PVT1: variants seen among roughly 807,000 people sequenced by gnomAD.
The protein encoded by PVT1 is Pvt1 oncogene.
intron 5 of PVT1, among the ~76,000 whole-genome samples, chr8:128,079,009 T>C (rs1429757379): frequency 2.0e-4 from 30 of 151,344 alleles, no homozygotes; most frequent in South Asian, 1.5e-3. Flanking sequence ...CTTTTCTTTT[T>C]TTTTTTTTTT....
At position 127,843,468 on chromosome 8, in the gene PVT1, A is replaced by G. The variant is rs369993796; in HGVS notation, n.373-47121A>G. On this transcript the variant is annotated intron_variant and non_coding_transcript_variant, in intron 2 of 10. Coordinates refer to ENST00000651587, the Ensembl canonical transcript of PVT1. ...GCTGTTTTTATTTTTTTAGAGATGG[A>G]GTCTTGCTCAGTTGCCCAGGCTGGA... 1.7e-3 allele frequency among the ~76,000 whole-genome samples: 255 copies of G among 151,752 alleles called. 8 individuals carry two copies. The South Asian group carries it at 0.052, about 31-fold the overall frequency.
At chr8:127,820,924 G>T (rs1211119830) in intron 2 of PVT1, among the ~76,000 whole-genome samples, 1 of 152,088 alleles carries the variant, frequency 6.6e-6, no homozygotes, top group African/African-American at 2.4e-5. Flanking sequence ...GGCCAGGCTG[G>T]TCTTAAAGTC....
chr8:127,968,375 G>A (rs1816725695), intron 3 of PVT1, among the ~76,000 whole-genome samples: 1 of 151,642 alleles, frequency 6.6e-6, no homozygotes, highest in Non-Finnish European at 1.5e-5. Flanking sequence ...CAGCTGTAGG[G>A]TGGGGTGGGA....
chr8:128,094,112 G>T (rs560032593), intron 5 of PVT1, among the ~76,000 whole-genome samples: 17 of 152,304 alleles, frequency 1.1e-4, no homozygotes, highest in African/African-American at 3.8e-4. Context: ...GCATCAGGTT[G>T]CCAGGTCACC....
chr8:128,044,390 T>C (rs35539865), intron 4 of PVT1, among the ~76,000 whole-genome samples: 10,771 of 152,138 alleles, frequency 0.071, 494 homozygotes, highest in Non-Finnish European at 0.099. Context: ...CCCTGGAAAA[T>C]GGTAAGTGCC....
intron 2 of PVT1, among the ~76,000 whole-genome samples, chr8:127,872,107 A>G (rs964287451): frequency 6.7e-6 from 1 of 149,994 alleles, no homozygotes. Flanking sequence ...AAACAAAAAC[A>G]AAAGAACCCT....
Position 127,841,976 on chromosome 8 carries a change from G to A in PVT1, n.372+45905G>A, listed in dbSNP as rs184524355. Among the ~76,000 whole-genome samples the A allele has an allele frequency of 8.1e-5, 11 of 135,246 alleles. No individual in the cohort carries two copies. In the East Asian group the frequency reaches 1.9e-3, roughly 23 times the overall value. 88.7% of individuals were successfully genotyped at this position (135,246 alleles called of 152,430 possible). Reference sequence around the variant, plus strand: ...CCTGACCTTGTGATCCACCCTCCTCGGCCTCCCAAAGTGCTTGGATTACAG... The same window carrying A: ...CCTGACCTTGTGATCCACCCTCCTCAGCCTCCCAAAGTGCTTGGATTACAG... On this transcript the variant is annotated intron_variant and non_coding_transcript_variant, in intron 2 of 10. Coordinates refer to ENST00000651587, the Ensembl canonical transcript of PVT1.
rs144789512 is a variant in PVT1, at chr8:128,016,873, A to G, written n.912+27582A>G. On this transcript the variant is annotated intron_variant and non_coding_transcript_variant, in intron 4 of 10. Transcript: ENST00000651587. The stretch of plus-strand genomic sequence containing the variant: ...TCTGGATGAGGATGAGTTCCCTGCC[A>G]TTCCTGGGTTAGCAGCTCCCATCCT... Among the ~76,000 whole-genome samples the G allele has an allele frequency of 3.7e-4, 57 of 152,328 alleles. No individual in the cohort carries two copies. The East Asian group carries it at 9.4e-3, about 25-fold the overall frequency.
intron 3 of PVT1, among the ~76,000 whole-genome samples, chr8:127,915,069 C>G (rs1181356068): frequency 6.6e-6 from 1 of 151,966 alleles, no homozygotes; most frequent in Non-Finnish European, 1.5e-5. Context: ...AGGTGATCCA[C>G]CCACCTCGGC....
intron 2 of PVT1, among the ~76,000 whole-genome samples, chr8:127,801,189 A>G (rs959338975): frequency 3.3e-5 from 5 of 152,186 alleles, no homozygotes; most frequent in Admixed American, 3.3e-4. Context: ...GGCATTCCAA[A>G]GATTCTGTCT....
chr8:128,047,146 T>C (rs750697707), intron 4 of PVT1, among the ~76,000 whole-genome samples: 1 of 152,256 alleles, frequency 6.6e-6, no homozygotes, highest in African/African-American at 2.4e-5. Flanking sequence ...ACATTTGCTG[T>C]GCCTTCTCCA....
At chr8:127,819,516 G>A (rs1321884892) in intron 2 of PVT1, among the ~76,000 whole-genome samples, 1 of 152,198 alleles carries the variant, frequency 6.6e-6, no homozygotes, top group East Asian at 1.9e-4. Flanking sequence ...CCAGTAGCAG[G>A]GCACGCTGGG....
At chr8:127,951,941 G>A (rs369906984) in intron 3 of PVT1, among the ~76,000 whole-genome samples, 3 of 151,694 alleles carry the variant, frequency 2.0e-5, no homozygotes, top group East Asian at 1.9e-4. Context: ...TCAGCCTCCC[G>A]AGTAGCTGGG....
intron 3 of PVT1, among the ~76,000 whole-genome samples, chr8:127,984,873 CTTTCTT>C (rs769164052): frequency 0.011 from 936 of 83,158 alleles, 26 homozygotes; most frequent in Admixed American, 0.018. Context: ...TTCTTTCTTT[CTTTCTT>C]TCTTTCTTTC....
chr8:127,915,818 T>C (rs2555114), intron 3 of PVT1, among the ~76,000 whole-genome samples: 107,250 of 152,076 alleles, frequency 0.71, 38,308 homozygotes, highest in African/African-American at 0.81. Flanking sequence ...TATGTTCCTC[T>C]TCCTCTACAG....
chr8:127,846,090 A>G (rs983432310), intron 2 of PVT1, among the ~76,000 whole-genome samples: 1 of 152,136 alleles, frequency 6.6e-6, no homozygotes, highest in Non-Finnish European at 1.5e-5. Flanking sequence ...CACATCGTGG[A>G]CCCCTCCAGG....
intron 4 of PVT1, among the ~76,000 whole-genome samples, chr8:128,045,184 G>A (rs554993533): frequency 6.6e-5 from 10 of 152,190 alleles, no homozygotes; most frequent in African/African-American, 2.2e-4. Flanking sequence ...CCTATCACTG[G>A]CCCCACTTGT....
At chr8:127,854,426 G>C (rs1260445219) in intron 2 of PVT1, among the ~76,000 whole-genome samples, 2 of 152,202 alleles carry the variant, frequency 1.3e-5, no homozygotes, top group Non-Finnish European at 2.9e-5. Context: ...ACTGGACAGT[G>C]AGTGCCTTGT....
intron 5 of PVT1, among the ~76,000 whole-genome samples, chr8:128,071,548 G>A (rs1351326231): frequency 6.6e-6 from 1 of 151,494 alleles, no homozygotes; most frequent in Admixed American, 6.6e-5. Flanking sequence ...AAGCAGTTTT[G>A]GTGGCACATG....
Sources: gnomAD v4.1 joint callset for allele counts (sites outside exome capture counted in the v4.1 genomes callset) on GRCh38, gnomAD v4.1.1 for gene constraint, MANE v1.5 for transcripts, NCBI Gene and HGNC (gene_info 2026-07-23, HGNC 2026-07-21) for gene names.